The following ARIH1 variants were observed in gnomAD, a reference collection of about 807,000 sequenced individuals.
The protein encoded by ARIH1 is ariadne RBR E3 ubiquitin protein ligase 1, also known as E3 ubiquitin-protein ligase ARIH1.
Under a neutral mutation model 85.0 loss-of-function variants are expected in ARIH1, and 8 were observed. The observed-to-expected ratio is 0.09, with a 90% CI of 0.06 to 0.17. ARIH1 has a LOEUF of 0.17. ARIH1 is among the 10% of genes least tolerant of loss of function. The probability of loss-of-function intolerance (pLI) is 1.00; values close to 1 mark genes in which losing one functional copy is unlikely to be tolerated. For missense variants in ARIH1, 311 were observed against 718.1 expected, an observed-to-expected ratio of 0.43 and a Z score of 6.48; for synonymous variants, 238 against 253.6, an observed-to-expected ratio of 0.94 and a Z score of 0.59.
At chr15:72,524,519 T>C (rs2064018500) in intron 2 of ARIH1, among the ~76,000 whole-genome samples, 2 of 152,330 alleles carry the variant, frequency 1.3e-5, no homozygotes, top group South Asian at 4.1e-4. Context: ...GGTCCACTTT[T>C]ACATACATTT....
At chr15:72,542,642 T>G (rs2064112606) in intron 2 of ARIH1, among the ~76,000 whole-genome samples, 1 of 152,180 alleles carries the variant, frequency 6.6e-6, no homozygotes, top group Non-Finnish European at 1.5e-5. Context: ...AGATATTGTC[T>G]AGTGAAAAAA....
At chr15:72,580,543 C>A in intron 11 of ARIH1, 188 bp from the exon 12 acceptor site, 1 of 592,066 alleles carries the variant, frequency 1.7e-6, no homozygotes, top group Non-Finnish European at 2.9e-6. Context: ...AATTTACATT[C>A]CCATCAACAG....
At chr15:72,490,632 T>A (rs1251460741) in intron 1 of ARIH1, among the ~76,000 whole-genome samples, 2 of 152,078 alleles carry the variant, frequency 1.3e-5, no homozygotes, top group Non-Finnish European at 2.9e-5. Context: ...TGTACTGTAG[T>A]TTCAAAAATG....
chr15:72,496,911 T>TAC, intron 1 of ARIH1: 3 of 932,982 alleles, frequency 3.2e-6, no homozygotes, highest in Non-Finnish European at 2.6e-6. Flanking sequence ...TAAACACACA[T>TAC]ACTTACACAC....
chr15:72,526,052 C>A (rs1567347158), intron 2 of ARIH1, among the ~76,000 whole-genome samples: 1 of 152,156 alleles, frequency 6.6e-6, no homozygotes, highest in Non-Finnish European at 1.5e-5. Context: ...CTTTAGTCTA[C>A]ATATAGCCCA....
At position 72,536,217 on chromosome 15, in the gene ARIH1, A is replaced by G. The variant is rs183751057; in HGVS notation, c.444-8603A>G. On this transcript the variant is annotated intron_variant, in intron 2 of 13. Transcript: ENST00000379887. ...ATTCTGTGTTAGAAAAAGAATAGTC[A>G]TTAACTTCTTTTGTAAATGTCCTCC... is the stretch of plus-strand genomic sequence containing the variant. 2.0e-4 allele frequency among the ~76,000 whole-genome samples: 31 copies of G among 152,296 alleles called. No individual in the cohort carries two copies. In the East Asian group the frequency reaches 5.8e-3, roughly 28 times the overall value.
In ARIH1 at chr15:72,587,027, G is replaced by C. The variant is rs2064319995; in HGVS notation, c.*3735G>C. On this transcript the variant is annotated 3_prime_UTR_variant, in exon 14 of 14. Transcript: ENST00000379887. ...GTCATTGATACTCTGGCCAAGTCCA[G>C]GTTTTAGGACAATTTAATTTACTCT... is the stretch of plus-strand genomic sequence containing the variant. 2.8e-6 allele frequency: 1 copy of C among 361,228 alleles called. No homozygotes were observed. Among genetic ancestry groups the C allele is most frequent in the African/African-American group, 2.1e-5 (1 of 46,548 alleles). The allele number at this position is 361,228 out of a possible 1,614,324, so 22.4% of individuals were successfully genotyped here.
chr15:72,554,620 C>T (rs1025156753), intron 3 of ARIH1, among the ~76,000 whole-genome samples: 1 of 152,096 alleles, frequency 6.6e-6, no homozygotes, highest in Non-Finnish European at 1.5e-5. Context: ...CTCCTTGCCT[C>T]AAGTAATCCT....
intron 1 of ARIH1, among the ~76,000 whole-genome samples, chr15:72,480,298 G>A (rs2063810940): frequency 6.9e-6 from 1 of 145,794 alleles, no homozygotes; most frequent in Non-Finnish European, 1.5e-5. Flanking sequence ...GTCTCACTGT[G>A]TCACCCAGGC....
At chr15:72,477,575 C>T (rs2063799603) in intron 1 of ARIH1, among the ~76,000 whole-genome samples, 1 of 152,156 alleles carries the variant, frequency 6.6e-6, no homozygotes, top group Non-Finnish European at 1.5e-5. Flanking sequence ...TGGGCAACAA[C>T]ATAAATACTG....
chr15:72,487,842 A>T (rs955821804), intron 1 of ARIH1, among the ~76,000 whole-genome samples: 5 of 151,662 alleles, frequency 3.3e-5, no homozygotes, highest in African/African-American at 1.2e-4. Context: ...TCTATCCCAG[A>T]CTCCTTACTA....
chr15:72,515,125 CG>C (rs2054458205), intron 1 of ARIH1, among the ~76,000 whole-genome samples: 1 of 152,152 alleles, frequency 6.6e-6, no homozygotes, highest in South Asian at 2.1e-4. Context: ...CACCTGAGGT[CG>C]GGAGTTCGAG....
At chr15:72,520,688 A>G (rs1160891415) in intron 2 of ARIH1, among the ~76,000 whole-genome samples, 2 of 152,256 alleles carry the variant, frequency 1.3e-5, no homozygotes, top group African/African-American at 4.8e-5. Flanking sequence ...CACTTTTACA[A>G]TTTGTACATG....
chr15:72,506,373 A>AAAAAAAAGAAAAAG (rs1567342019), intron 1 of ARIH1, among the ~76,000 whole-genome samples: 1 of 150,232 alleles, frequency 6.7e-6, no homozygotes, highest in African/African-American at 2.4e-5. Context: ...AAAGAAAAAA[A>AAAAAAAAGAAAAAG]AAAAGAACTT....
chr15:72,510,156 A>G (rs2063943667), intron 1 of ARIH1, among the ~76,000 whole-genome samples: 1 of 151,868 alleles, frequency 6.6e-6, no homozygotes, highest in East Asian at 1.9e-4. Flanking sequence ...ATGGGCTTTT[A>G]TTTTCTTGTT....
intron 1 of ARIH1, among the ~76,000 whole-genome samples, chr15:72,506,368 A>T (rs920039389): frequency 6.9e-6 from 1 of 145,526 alleles, no homozygotes; most frequent in Non-Finnish European, 1.5e-5. Flanking sequence ...AAAAAAAAGA[A>T]AAAAAAAAAG....
chr15:72,545,074 A>G (rs534511248), intron 3 of ARIH1, 110 bp downstream of exon 3: 5 of 989,172 alleles, frequency 5.1e-6, no homozygotes, highest in Admixed American at 3.2e-5. Flanking sequence ...AGTAACCTCT[A>G]AGCCATAACC....
chr15:72,494,610 C>T (rs140472265), intron 1 of ARIH1, among the ~76,000 whole-genome samples: 3 of 152,020 alleles, frequency 2.0e-5, no homozygotes, highest in Non-Finnish European at 4.4e-5. Flanking sequence ...ACTAGGACTA[C>T]GTGAAACAAC....
Position 72,506,503 on chromosome 15 carries a change from T to C in ARIH1, c.376-11564T>C, listed in dbSNP as rs546623691. On this transcript the variant is annotated intron_variant, in intron 1 of 13. Coordinates refer to ENST00000379887, the MANE Select transcript of ARIH1 (RefSeq NM_005744.5). ...TGTCCATTTTTGTTGGATTATTTTC[T>C]TTTTTGAGTGGGTATGCTTGCTCAT... Among the ~76,000 whole-genome samples, 4 of 152,288 alleles carry C rather than the reference T, an allele frequency of 2.6e-5. No homozygotes were observed. The South Asian group carries it at 8.3e-4, about 32-fold the overall frequency.
Sources: allele counts gnomAD v4.1 joint callset (sites outside exome capture counted in the v4.1 genomes callset), GRCh38; gene constraint gnomAD v4.1.1; transcripts MANE v1.5; gene names NCBI Gene and HGNC (gene_info 2026-07-23, HGNC 2026-07-21).